TPRG1: variants seen among roughly 807,000 people sequenced by gnomAD.
The protein encoded by TPRG1 is tumor protein p63 regulated 1, also known as tumor protein p63-regulated gene 1 protein.
Under a neutral mutation model 29.3 loss-of-function variants are expected in TPRG1, and 29 were observed. That is an observed-to-expected ratio of 0.99 (90% CI 0.74 to 1.35). The LOEUF (loss-of-function observed/expected upper bound fraction) is 1.35, where lower values mean the gene tolerates loss of function less well. Among genes scored for constraint, TPRG1 ranks in the 40% most tolerant of loss-of-function variants. TPRG1 has a pLI of 0.00. For synonymous variants in TPRG1, 130 were observed against 116.8 expected, an observed-to-expected ratio of 1.11 and a Z score of -0.73; for missense variants, 327 against 335.0, an observed-to-expected ratio of 0.98 and a Z score of 0.19.
chr3:189,016,385 G>T (rs1197054193), intron 3 of TPRG1, among the ~76,000 whole-genome samples: 1 of 151,792 alleles, frequency 6.6e-6, no homozygotes, highest in Non-Finnish European at 1.5e-5. Flanking sequence ...GCCTCTTTTT[G>T]ATTTTATAGG....
rs1378766336 is a variant in TPRG1 at position 189,176,644 on chromosome 3, A to C, written c.-10+4513A>C. Among the ~76,000 whole-genome samples the C allele has an allele frequency of 3.9e-5, 6 of 152,312 alleles. No individual in the cohort carries two copies. The East Asian group carries it at 1.2e-3, about 29-fold the overall frequency. On this transcript the variant is annotated intron_variant, in intron 1 of 5. Transcript: ENST00000345063. ...GGTGGAATGAGGCATTATTTGGGTA[A>C]AGGACTTAAGGATATGAAGGAGTCA...
intron 1 of TPRG1, among the ~76,000 whole-genome samples, chr3:189,186,696 G>C (rs887590156): frequency 1.3e-5 from 2 of 151,654 alleles, no homozygotes; most frequent in African/African-American, 4.8e-5. Flanking sequence ...TCCTAGACCA[G>C]CATAATTAGA....
intron 4 of TPRG1, among the ~76,000 whole-genome samples, chr3:189,290,894 G>T (rs949257950): frequency 1.3e-5 from 2 of 151,988 alleles, no homozygotes; most frequent in African/African-American, 4.8e-5. Context: ...AATCTTTAGT[G>T]GCCCATTTCT....
At chr3:189,211,139 A>C (rs1182823318) in intron 2 of TPRG1, among the ~76,000 whole-genome samples, 1 of 152,172 alleles carries the variant, frequency 6.6e-6, no homozygotes, top group Admixed American at 6.5e-5. Context: ...AAATGGGATT[A>C]TATGCCAACT....
rs1560688768 is a variant in TPRG1 at position 189,312,103 on chromosome 3, T to TCTCTCTCTCTCTC, written c.633+1564_633+1565insCTCTCTCTCTCTC. Among the ~76,000 whole-genome samples, 40 of 69,472 alleles carry TCTCTCTCTCTCTC rather than the reference T, an allele frequency of 5.8e-4. 1 individual carries two copies. Among genetic ancestry groups the TCTCTCTCTCTCTC allele is most frequent in the Non-Finnish European group, 6.6e-4 (21 of 31,722 alleles). The allele number at this position is 69,472 out of a possible 152,430, so 45.6% of individuals were successfully genotyped here. On this transcript the variant is annotated intron_variant, in intron 5 of 5. Coordinates refer to ENST00000345063, the MANE Select transcript of TPRG1 (RefSeq NM_198485.4). Reference sequence around the variant, plus strand: ...TATGTTTCTTTCTTTCTTTGTTTCTTTGTTTCTTTCTTTGTTTCTTTCTTT... The same window carrying TCTCTCTCTCTCTC: ...TATGTTTCTTTCTTTCTTTGTTTCTTCTCTCTCTCTCTCTGTTTCTTTCTTTGTTTCTTTCTTT...
chr3:189,264,193 G>C (rs531000295), intron 4 of TPRG1, among the ~76,000 whole-genome samples: 2 of 152,246 alleles, frequency 1.3e-5, no homozygotes, highest in African/African-American at 4.8e-5. Context: ...GGTTAAATTT[G>C]ATGCCCTTTA....
chr3:189,065,293 G>C (rs1716365190), intron 4 of TPRG1, among the ~76,000 whole-genome samples: 3 of 152,110 alleles, frequency 2.0e-5, no homozygotes, highest in Admixed American at 1.3e-4. Flanking sequence ...CCAGAGAATA[G>C]AGAGGAAACA....
At chr3:189,074,771 C>T (rs1393711889) in intron 4 of TPRG1, among the ~76,000 whole-genome samples, 1 of 151,538 alleles carries the variant, frequency 6.6e-6, no homozygotes, top group Admixed American at 6.6e-5. Flanking sequence ...TCATTTATCA[C>T]TTTGAGTACA....
At chr3:189,238,700 A>G in intron 3 of TPRG1, 33 bp from the exon 4 acceptor site, 1 of 1,553,708 alleles carries the variant, frequency 6.4e-7, no homozygotes, top group East Asian at 2.3e-5. Flanking sequence ...AGGCTGTGTC[A>G]TCAATTTTTA....
chr3:189,121,155 G>A (rs995263044), intron 1 of TPRG1: 1 of 152,158 alleles, frequency 6.6e-6, no homozygotes, highest in Non-Finnish European at 1.5e-5. Context: ...TGTCAGTTAG[G>A]TAGATAAACC....
At chr3:189,223,036 C>T (rs1486853184) in intron 3 of TPRG1, among the ~76,000 whole-genome samples, 1 of 152,158 alleles carries the variant, frequency 6.6e-6, no homozygotes, top group Non-Finnish European at 1.5e-5. Context: ...AAGTGTAGTT[C>T]ATTGTGCACT....
chr3:189,172,532 C>T (rs1728942064), intron 1 of TPRG1, among the ~76,000 whole-genome samples: 1 of 152,156 alleles, frequency 6.6e-6, no homozygotes, highest in Non-Finnish European at 1.5e-5. Context: ...TTCCCTCTTC[C>T]TCTATTATAG....
rs200539082 is a variant in TPRG1, at chr3:189,320,787, C to A, written c.795C>A (p.Gly265=). Residue 265 remains glycine, a synonymous_variant, in exon 6 of 6, where the codon GGC becomes GGA. Coordinates refer to ENST00000345063, the MANE Select transcript of TPRG1 (RefSeq NM_198485.4). ...MSFIGNRNKL[G]YSLARGSIGF ...TCATTGGAAACCGCAACAAACTTGG[C>A]TATTCCCTTGCCCGTGGGAGTATTG... is the stretch of plus-strand genomic sequence containing the variant. The A allele has an allele frequency of 1.2e-4, 192 of 1,607,092 alleles. No homozygotes were observed. Among genetic ancestry groups the A allele is most frequent in the Non-Finnish European group, 8.8e-5 (104 of 1,176,914 alleles).
At position 189,309,165 on chromosome 3, in the gene TPRG1, C is replaced by A. The variant is rs150143389; in HGVS notation, c.480-1221C>A. 2.5e-3 allele frequency among the ~76,000 whole-genome samples: 370 copies of A among 149,160 alleles called. 1 individual carries two copies. Among genetic ancestry groups the A allele is most frequent in the African/African-American group, 8.9e-3 (360 of 40,440 alleles). On this transcript the variant is annotated intron_variant, in intron 4 of 5. Coordinates refer to ENST00000345063, the MANE Select transcript of TPRG1 (RefSeq NM_198485.4). ...AATATAATCATCAAAAATCTGATAA[C>A]TGGCCAGCAGAATGTTTCAGGGACT... is the stretch of plus-strand genomic sequence containing the variant.
chr3:189,074,345 A>T (rs1046281920), intron 4 of TPRG1, among the ~76,000 whole-genome samples: 1 of 150,952 alleles, frequency 6.6e-6, no homozygotes, highest in Non-Finnish European at 1.5e-5. Context: ...AGCTGGGACT[A>T]CAGGCGCCCG....
intron 5 of TPRG1, among the ~76,000 whole-genome samples, chr3:189,318,633 C>T (rs933352497): frequency 6.6e-6 from 1 of 152,122 alleles, no homozygotes; most frequent in Non-Finnish European, 1.5e-5. Flanking sequence ...AAATAAGTTA[C>T]CTGCTTGGCT....
At chr3:189,290,208 CT>C (rs1718768553) in intron 4 of TPRG1, among the ~76,000 whole-genome samples, 1 of 152,170 alleles carries the variant, frequency 6.6e-6, no homozygotes, top group African/African-American at 2.4e-5. Flanking sequence ...CTATCTATTT[CT>C]AGATTTCACT....
intron 5 of TPRG1, among the ~76,000 whole-genome samples, chr3:189,316,441 C>A (rs1723540563): frequency 6.6e-6 from 1 of 152,150 alleles, no homozygotes; most frequent in African/African-American, 2.4e-5. Flanking sequence ...CTGTAGCCTG[C>A]AGGCTCAGAA....
intron 4 of TPRG1, among the ~76,000 whole-genome samples, chr3:189,241,614 G>T (rs982510159): frequency 6.6e-6 from 1 of 152,040 alleles, no homozygotes; most frequent in East Asian, 1.9e-4. Context: ...GATATGGTTT[G>T]GTTGTGTCCC....
Sources: gnomAD v4.1 joint callset for allele counts (sites outside exome capture counted in the v4.1 genomes callset) on GRCh38, gnomAD v4.1.1 for gene constraint, MANE v1.5 for transcripts, NCBI Gene and HGNC (gene_info 2026-07-23, HGNC 2026-07-21) for gene names.